Variants in DPF3 observed in about 807,000 individuals in gnomAD.
The protein encoded by DPF3 is zinc finger protein DPF3.
In DPF3, 18 loss-of-function variants were observed where a neutral mutation model predicts 56.8. That is an observed-to-expected ratio of 0.32 (90% CI 0.22 to 0.47). The LOEUF (loss-of-function observed/expected upper bound fraction) is 0.47, where lower values mean the gene tolerates loss of function less well. DPF3 is among the 20% of genes least tolerant of loss of function. DPF3 has a pLI of 1.00. For missense variants in DPF3, 403 were observed against 488.8 expected (o/e 0.82, Z 1.65); for synonymous variants, 188 against 180.2 (o/e 1.04, Z -0.35).
intron 1 of DPF3, among the ~76,000 whole-genome samples, chr14:72,874,167 GAA>G (rs35001992): frequency 2.9e-5 from 4 of 137,346 alleles, no homozygotes; most frequent in African/African-American, 5.5e-5. Flanking sequence ...AAATCAATAA[GAA>G]AAAAAAAAAA....
chr14:72,815,897 C>T (rs556836357), intron 1 of DPF3, among the ~76,000 whole-genome samples: 2 of 152,314 alleles, frequency 1.3e-5, no homozygotes, highest in Admixed American at 1.3e-4. Context: ...CATCTTCTAT[C>T]TAACTGCTTA....
intron 3 of DPF3, among the ~76,000 whole-genome samples, chr14:72,744,554 AATCAGAAAAGGATG>A (rs1890252053): frequency 1.3e-5 from 2 of 152,172 alleles, no homozygotes; most frequent in Non-Finnish European, 2.9e-5. Flanking sequence ...CGGGGGACTG[AATCAGAAAAGGATG>A]GTTCTGTGGC....
intron 6 of DPF3, among the ~76,000 whole-genome samples, chr14:72,701,152 T>G (rs1285657912): frequency 6.6e-6 from 1 of 152,146 alleles, no homozygotes; most frequent in Non-Finnish European, 1.5e-5. Flanking sequence ...ATCTTCCCAC[T>G]CCAGTCTCCT....
At chr14:72,686,016 C>T (rs968125461) in intron 7 of DPF3, among the ~76,000 whole-genome samples, 9 of 152,310 alleles carry the variant, frequency 5.9e-5, no homozygotes, top group African/African-American at 1.7e-4. Context: ...GCTGAGACCA[C>T]GTTATCCCTT....
chr14:72,756,282 G>C (rs1274205730), intron 2 of DPF3, among the ~76,000 whole-genome samples: 1 of 152,196 alleles, frequency 6.6e-6, no homozygotes, highest in Non-Finnish European at 1.5e-5. Context: ...GCACAAATGT[G>C]ATGCACAAAG....
chr14:72,833,172 G>A (rs1173850519), intron 1 of DPF3, among the ~76,000 whole-genome samples: 2 of 152,238 alleles, frequency 1.3e-5, no homozygotes, highest in African/African-American at 4.8e-5. Flanking sequence ...AACTAAGGCA[G>A]TCTGAGCGGG....
intron 1 of DPF3, among the ~76,000 whole-genome samples, chr14:72,815,191 A>G (rs982456621): frequency 6.6e-6 from 1 of 152,214 alleles, no homozygotes; most frequent in African/African-American, 2.4e-5. Context: ...GACATTTCAC[A>G]AAAGAAAAGA....
intron 7 of DPF3, among the ~76,000 whole-genome samples, chr14:72,692,340 C>A (rs938713707): frequency 4.6e-5 from 7 of 152,182 alleles, no homozygotes; most frequent in Admixed American, 1.3e-4. Context: ...GTTGAGATTT[C>A]TGCAGGCCCA....
chr14:72,877,846 T>C (rs1215820880), intron 1 of DPF3, among the ~76,000 whole-genome samples: 1 of 152,170 alleles, frequency 6.6e-6, no homozygotes, highest in Non-Finnish European at 1.5e-5. Context: ...GAGACATGTG[T>C]AATTAGATAA....
intron 2 of DPF3, among the ~76,000 whole-genome samples, chr14:72,755,186 A>G (rs1004329764): frequency 1.3e-5 from 2 of 152,226 alleles, no homozygotes; most frequent in East Asian, 3.8e-4. Context: ...CAGGTAAGTA[A>G]GAGTGAGCTG....
intron 8 of DPF3, among the ~76,000 whole-genome samples, chr14:72,673,521 C>T (rs1200189230): frequency 6.6e-6 from 1 of 152,178 alleles, no homozygotes; most frequent in Non-Finnish European, 1.5e-5. Flanking sequence ...AACAAAACAA[C>T]CATTTGAACA....
chr14:72,777,126 G>A lies in DPF3; in HGVS notation c.33-5233C>T, dbSNP rs374666694. Among the ~76,000 whole-genome samples, 4 of 152,162 alleles carry A rather than the reference G, an allele frequency of 2.6e-5. No individual in the cohort carries two copies. In the South Asian group the frequency reaches 8.3e-4, roughly 32 times the overall value. On this transcript the variant is annotated intron_variant, in intron 1 of 10. Transcript: ENST00000556509. ...CCTGGCCTGTGGCAGGATTGTGGGG[G>A]CTCTCCTTCCCCCAGAGGCGCCTCT...
chr14:72,844,399 A>T (rs1463334227), intron 1 of DPF3, among the ~76,000 whole-genome samples: 1 of 152,184 alleles, frequency 6.6e-6, no homozygotes, highest in Non-Finnish European at 1.5e-5. Flanking sequence ...GGAGGGGGGA[A>T]AATTCCCCGT....
chr14:72,757,131 A>G (rs1194415274), intron 2 of DPF3, among the ~76,000 whole-genome samples: 1 of 150,366 alleles, frequency 6.7e-6, no homozygotes, highest in Non-Finnish European at 1.5e-5. Flanking sequence ...GGGGAGAAGA[A>G]TGATATGGGA....
At chr14:72,729,000 C>T (rs1028472938) in intron 4 of DPF3, among the ~76,000 whole-genome samples, 4 of 152,058 alleles carry the variant, frequency 2.6e-5, no homozygotes, top group African/African-American at 9.7e-5. Flanking sequence ...GTAATCCCAG[C>T]ACTTTGGGAG....
At chr14:72,888,317 C>T (rs1886625858) in intron 1 of DPF3, among the ~76,000 whole-genome samples, 1 of 152,190 alleles carries the variant, frequency 6.6e-6, no homozygotes, top group African/African-American at 2.4e-5. Flanking sequence ...CCAACACCTC[C>T]TAACCACTGC....
chr14:72,670,238 G>C, intron 8 of DPF3: 2 of 986,020 alleles, frequency 2.0e-6, no homozygotes, highest in Non-Finnish European at 2.4e-6. Context: ...TCGGCCTCGG[G>C]TGGTGGAGTC....
chr14:72,887,059 G>A (rs1271844444), intron 1 of DPF3, among the ~76,000 whole-genome samples: 1 of 151,766 alleles, frequency 6.6e-6, no homozygotes, highest in Non-Finnish European at 1.5e-5. Flanking sequence ...ATTGGGATAG[G>A]TGCCATGGTA....
chr14:72,697,779 G>A (rs2153573561), intron 6 of DPF3, among the ~76,000 whole-genome samples: 1 of 152,284 alleles, frequency 6.6e-6, no homozygotes, highest in East Asian at 1.9e-4. Context: ...GAGGAAAAAT[G>A]GGGTGGGAGA....
Sources: gnomAD v4.1 joint callset for allele counts (sites outside exome capture counted in the v4.1 genomes callset) on GRCh38, gnomAD v4.1.1 for gene constraint, MANE v1.5 for transcripts, NCBI Gene and HGNC (gene_info 2026-07-23, HGNC 2026-07-21) for gene names.